NUDT5: variants seen among roughly 807,000 people sequenced by gnomAD.
NUDT5 encodes ADP-sugar pyrophosphatase.
Under a neutral mutation model 34.1 loss-of-function variants are expected in NUDT5, and 21 were observed. The ratio of observed to expected loss-of-function variants is 0.62; its 90% CI spans 0.44 to 0.89. NUDT5 has a LOEUF of 0.89. NUDT5 is among the 40% of genes least tolerant of loss of function. The pLI is 0.00. For synonymous variants in NUDT5, 85 were observed against 97.6 expected (o/e 0.87, Z 0.76); for missense variants, 249 against 274.8 (o/e 0.91, Z 0.66).
Position 12,179,119 on chromosome 10 carries a change from C to G in NUDT5, c.145G>C (p.Val49Leu), listed in dbSNP as rs891724975. 6.2e-7 allele frequency: 1 copy of G among 1,614,090 alleles called. No homozygotes were observed. The highest frequency in any genetic ancestry group is 1.7e-5 in the Admixed American group (1 of 60,020). The change falls in exon 4 of 10, where the codon GTG becomes CTG. Residue 49 changes from valine to leucine, a missense_variant. By Grantham distance (32) the Val-to-Leu change is conservative. Transcript: ENST00000491614. ...PTGKTRTWES[V>L]KRTTRKEQTA... Reference sequence around the variant, plus strand: ...TGCTCTTTCCTGGTTGTACGTTTCACTGATTCCCAAGTTCTGTTCAGGCAG... The same window carrying G: ...TGCTCTTTCCTGGTTGTACGTTTCAGTGATTCCCAAGTTCTGTTCAGGCAG...
At chr10:12,178,229 T>C (rs1218612060) in intron 4 of NUDT5, among the ~76,000 whole-genome samples, 1 of 152,206 alleles carries the variant, frequency 6.6e-6, no homozygotes, top group African/African-American at 2.4e-5. Flanking sequence ...TTCCAGCGTG[T>C]GGCAGCCCTA....
Position 12,167,559 on chromosome 10 carries a change from C to T in NUDT5, c.*143G>A, listed in dbSNP as rs1278667737. The T allele has an allele frequency of 4.2e-6, 3 of 707,016 alleles. No homozygotes were observed. Among genetic ancestry groups the T allele is most frequent in the Non-Finnish European group, 6.9e-6 (3 of 435,738 alleles). The allele number at this position is 707,016 out of a possible 1,614,324, so 43.8% of individuals were successfully genotyped here. On this transcript the variant is annotated 3_prime_UTR_variant, in exon 10 of 10. Transcript: ENST00000491614. ...CACAACCTACCTGTAATTACAATTCCATACCACCACCACATCTGTTCTGTG... is the reference window on the plus strand; with the variant it reads ...CACAACCTACCTGTAATTACAATTCTATACCACCACCACATCTGTTCTGTG...
At chr10:12,195,051 T>G (rs1033337829) in intron 1 of NUDT5, among the ~76,000 whole-genome samples, 26 of 152,278 alleles carry the variant, frequency 1.7e-4, no homozygotes, top group African/African-American at 6.0e-4. Context: ...TCTCAGCTAC[T>G]CGAGAAGCTA....
Position 12,168,919 on chromosome 10 carries a change from T to A in NUDT5, c.551-1108A>T, listed in dbSNP as rs1011105726. Among the ~76,000 whole-genome samples the A allele has an allele frequency of 3.3e-5, 5 of 152,082 alleles. No homozygotes were observed. Among genetic ancestry groups the A allele is most frequent in the Admixed American group, 2.6e-4 (4 of 15,266 alleles). ...CTGGGACTACCGGCATGTACCACCATGCCTGGCTAATTTTTGTATTTTTAG... is the reference window on the plus strand; with the variant it reads ...CTGGGACTACCGGCATGTACCACCAAGCCTGGCTAATTTTTGTATTTTTAG... On this transcript the variant is annotated intron_variant, in intron 9 of 9. Transcript: ENST00000491614. The surrounding 1 kb of genome is among the most constrained non-coding windows in gnomAD (Gnocchi z 4.8).
At chr10:12,186,890 G>T (rs549844624) in intron 1 of NUDT5, among the ~76,000 whole-genome samples, 1 of 152,122 alleles carries the variant, frequency 6.6e-6, no homozygotes, top group Non-Finnish European at 1.5e-5. Flanking sequence ...GCCTCCCAAA[G>T]TGCTGGGATT....
At position 12,169,981 on chromosome 10, in the gene NUDT5, T is replaced by C; in HGVS notation, c.550+736A>G. 1 of 724,998 alleles carries C rather than the reference T, an allele frequency of 1.4e-6. No individual in the cohort carries two copies. The highest frequency in any genetic ancestry group is 2.4e-6 in the Non-Finnish European group (1 of 420,192). The allele number at this position is 724,998 out of a possible 1,614,324, so 44.9% of individuals were successfully genotyped here. ...TGACAAGTGTCTGCTTCTTTCTAGA[T>C]GAGTGAAAGGGATTTGCCAGCCCAT... On this transcript the variant is annotated intron_variant, in intron 9 of 9. Coordinates refer to ENST00000491614, the MANE Select transcript of NUDT5 (RefSeq NM_014142.4). The surrounding 1 kb of genome is among the most constrained non-coding windows in gnomAD (Gnocchi z 4.8).
Position 12,169,247 on chromosome 10 carries a change from C to A in NUDT5, c.551-1436G>T, listed in dbSNP as rs1336767521. The A allele has an allele frequency of 5.2e-6, 8 of 1,537,600 alleles. No homozygotes were observed. Among genetic ancestry groups the A allele is most frequent in the Non-Finnish European group, 7.0e-6 (8 of 1,135,906 alleles). On this transcript the variant is annotated intron_variant, in intron 9 of 9. Transcript: ENST00000491614. This position sits in a 1 kb window ranked among gnomAD's most constrained non-coding sequence, Gnocchi z 4.8. The stretch of plus-strand genomic sequence containing the variant: ...CCCTCACTTATTCTATTTTTTTCTC[C>A]CTTTTCTAAGACCAAAAGTGAAGTT...
In NUDT5 at chr10:12,186,211, G is replaced by C. The variant is rs763696628; in HGVS notation, c.63+18C>G. 29 of 1,591,392 alleles carry C rather than the reference G, an allele frequency of 1.8e-5. No homozygotes were observed. The South Asian group carries it at 3.2e-4, about 18-fold the overall frequency. Reference sequence around the variant, plus strand: ...ATTTATGTGGGGGAGGGAAGGGAAAGTGAAAAACAAGTTATACCTCCTCTG... The same window carrying C: ...ATTTATGTGGGGGAGGGAAGGGAAACTGAAAAACAAGTTATACCTCCTCTG... On this transcript the variant is annotated intron_variant, in intron 2 of 9. Coordinates refer to ENST00000491614, the MANE Select transcript of NUDT5 (RefSeq NM_014142.4).
chr10:12,170,656 T>C lies in NUDT5; in HGVS notation c.550+61A>G. ...AAATGGAGTTATATTTAGTACCCAG[T>C]TTGCTGGGATGGGGACGGGGAGAAC... On this transcript the variant is annotated intron_variant, in intron 9 of 9. Coordinates refer to ENST00000491614, the MANE Select transcript of NUDT5 (RefSeq NM_014142.4). The surrounding 1 kb of genome is among the most constrained non-coding windows in gnomAD (Gnocchi z 4.9). 6.8e-7 allele frequency: 1 copy of C among 1,468,580 alleles called. No individual in the cohort carries two copies. The highest frequency in any genetic ancestry group is 9.5e-7 in the Non-Finnish European group (1 of 1,049,192). The allele number at this position is 1,468,580 out of a possible 1,614,324, so 91.0% of individuals were successfully genotyped here.
intron 1 of NUDT5, among the ~76,000 whole-genome samples, chr10:12,194,201 A>G (rs952419458): frequency 6.6e-6 from 1 of 152,220 alleles, no homozygotes; most frequent in African/African-American, 2.4e-5. Flanking sequence ...TTGGGCTGTT[A>G]AAGTACTGCT....
At position 12,187,576 on chromosome 10, in the gene NUDT5, C is replaced by A. The variant is rs1170323389; in HGVS notation, c.-41-1244G>T. Among the ~76,000 whole-genome samples the A allele has an allele frequency of 2.6e-5, 4 of 152,180 alleles. No individual in the cohort carries two copies. Among genetic ancestry groups the A allele is most frequent in the African/African-American group, 9.7e-5 (4 of 41,426 alleles). Reference sequence around the variant, plus strand: ...TGTATATAGAATTATAGACCCAAAGCCAGTTGTCTATGAAACTGTAAGGCA... The same window carrying A: ...TGTATATAGAATTATAGACCCAAAGACAGTTGTCTATGAAACTGTAAGGCA... On this transcript the variant is annotated intron_variant, in intron 1 of 9. Transcript: ENST00000491614. This position sits in a 1 kb window ranked among gnomAD's most constrained non-coding sequence, Gnocchi z 5.4.
chr10:12,169,744 TCAAA>T lies in NUDT5; in HGVS notation c.550+969_550+972del, dbSNP rs909471335. On this transcript the variant is annotated intron_variant, in intron 9 of 9. Coordinates refer to ENST00000491614, the MANE Select transcript of NUDT5 (RefSeq NM_014142.4). This position sits in a 1 kb window ranked among gnomAD's most constrained non-coding sequence, Gnocchi z 4.8. ...GCCTTTGAAAGACACATTCAGATTT[TCAAA>T]CAAACAACAGACAATTCAAAACCAG... is the stretch of plus-strand genomic sequence containing the variant. 5.7e-5 allele frequency: 13 copies of T among 226,474 alleles called. No individual in the cohort carries two copies. Among genetic ancestry groups the T allele is most frequent in the Non-Finnish European group, 1.1e-4 (13 of 117,308 alleles). 14.0% of individuals were successfully genotyped at this position (226,474 alleles called of 1,614,324 possible).
Position 12,189,594 on chromosome 10 carries a change from T to C in NUDT5, c.-41-3262A>G, listed in dbSNP as rs192544305. Among the ~76,000 whole-genome samples the C allele has an allele frequency of 9.1e-4, 139 of 152,330 alleles. 1 individual carries two copies. Among genetic ancestry groups the C allele is most frequent in the African/African-American group, 3.2e-3 (135 of 41,580 alleles). On this transcript the variant is annotated intron_variant, in intron 1 of 9. Transcript: ENST00000491614. ...AATTTTTAGAAACAGAAAAGGAATG[T>C]TGTTTTTAGCACCATTTCAAAAGCA...
Position 12,184,871 on chromosome 10 carries a change from G to T in NUDT5, c.131+18C>A. 8.7e-7 allele frequency: 1 copy of T among 1,152,088 alleles called. No individual in the cohort carries two copies. Among genetic ancestry groups the T allele is most frequent in the Non-Finnish European group, 1.2e-6 (1 of 839,978 alleles). The allele number at this position is 1,152,088 out of a possible 1,614,324, so 71.4% of individuals were successfully genotyped here. Reference sequence around the variant, plus strand: ...AACCCAAATAACGAACATTTTGTAAGAAAAAAAAAAAGTTTACCTAGTTTT... The same window carrying T: ...AACCCAAATAACGAACATTTTGTAATAAAAAAAAAAAGTTTACCTAGTTTT... On this transcript the variant is annotated intron_variant, in intron 3 of 9. Coordinates refer to ENST00000491614, the MANE Select transcript of NUDT5 (RefSeq NM_014142.4).
intron 5 of NUDT5, among the ~76,000 whole-genome samples, chr10:12,177,251 G>C (rs755177265): frequency 6.6e-6 from 1 of 152,178 alleles, no homozygotes; most frequent in Non-Finnish European, 1.5e-5. Context: ...AGGGTGCAAG[G>C]GCTCACGCCT....
At chr10:12,192,441 C>G (rs1234172880) in intron 1 of NUDT5, among the ~76,000 whole-genome samples, 1 of 152,150 alleles carries the variant, frequency 6.6e-6, no homozygotes, top group African/African-American at 2.4e-5. Context: ...AATCTACATT[C>G]TGGCAGAATA....
chr10:12,192,310 A>AAAAAG (rs1029920627), intron 1 of NUDT5, among the ~76,000 whole-genome samples: 5 of 152,008 alleles, frequency 3.3e-5, no homozygotes, highest in Non-Finnish European at 7.4e-5. Flanking sequence ...CTCCAAAAAA[A>AAAAAG]AAAAGAAAAG....
rs1244098357 is a variant in NUDT5 at position 12,171,313 on chromosome 10, C to G, written c.488-405G>C. On this transcript the variant is annotated intron_variant, in intron 7 of 9. Transcript: ENST00000491614. The surrounding 1 kb of genome is among the most constrained non-coding windows in gnomAD (Gnocchi z 4.2). ...ACAGAAACTCGGGATCCACTCAACACTAATTCCCCATCCCTAGTAGCGCTT... is the reference window on the plus strand; with the variant it reads ...ACAGAAACTCGGGATCCACTCAACAGTAATTCCCCATCCCTAGTAGCGCTT... 1.3e-5 allele frequency among the ~76,000 whole-genome samples: 2 copies of G among 152,242 alleles called. No individual in the cohort carries two copies. Among genetic ancestry groups the G allele is most frequent in the East Asian group, 3.8e-4 (2 of 5,202 alleles).
intron 1 of NUDT5, among the ~76,000 whole-genome samples, chr10:12,186,672 G>A (rs1346648243): frequency 6.6e-6 from 1 of 151,144 alleles, no homozygotes; most frequent in Non-Finnish European, 1.5e-5. Context: ...CTGTTGCCCA[G>A]GGTGGAGTGC....
Sources: allele counts gnomAD v4.1 joint callset (sites outside exome capture counted in the v4.1 genomes callset), GRCh38; gene constraint gnomAD v4.1.1; non-coding constraint Gnocchi (gnomAD v3.1); transcripts MANE v1.5; gene names NCBI Gene and HGNC (gene_info 2026-07-23, HGNC 2026-07-21).